Variants in PPP4R3A observed in about 807,000 individuals in gnomAD.
PPP4R3A encodes the protein serine/threonine-protein phosphatase 4 regulatory subunit 3A.
Under a neutral mutation model 91.7 loss-of-function variants are expected in PPP4R3A, and 15 were observed. The ratio of observed to expected loss-of-function variants is 0.16; its 90% confidence interval spans 0.11 to 0.25. PPP4R3A has a LOEUF of 0.25. PPP4R3A is among the 10% of genes least tolerant of loss of function. The pLI is 1.00. For missense variants in PPP4R3A, 623 were observed against 998.4 expected, an observed-to-expected ratio of 0.62 and a Z score of 5.07; for synonymous variants, 377 against 348.7, an observed-to-expected ratio of 1.08 and a Z score of -0.91.
At position 91,458,082 on chromosome 14, in the gene PPP4R3A, A is replaced by G. The variant is rs941262594; in HGVS notation, c.*677T>C. ...CAACTAAGCATACACTCAGGGGAGG[A>G]AAAAAAAAATCAAAAACAAAATAAA... On this transcript the variant is annotated 3_prime_UTR_variant, in exon 15 of 15. Coordinates refer to ENST00000554943, the MANE Select transcript of PPP4R3A (RefSeq NM_001366432.2). 3 of 151,288 alleles carry G rather than the reference A, an allele frequency of 2.0e-5. No individual in the cohort carries two copies. The highest frequency in any genetic ancestry group is 2.1e-4 in the South Asian group (1 of 4,778). The allele number at this position is 151,288 out of a possible 1,614,324, so 9.4% of individuals were successfully genotyped here.
intron 3 of PPP4R3A, 34 bp from the exon 4 acceptor site, chr14:91,482,227 A>G (rs371207683): frequency 2.4e-5 from 37 of 1,548,688 alleles, no homozygotes; most frequent in African/African-American, 4.1e-5. Context: ...GACAAAATAG[A>G]TAACAGGTGA....
chr14:91,473,415 A>C, intron 7 of PPP4R3A, 45 bp from the exon 8 acceptor site: 3 of 1,572,710 alleles, frequency 1.9e-6, no homozygotes, highest in Non-Finnish European at 2.6e-6. Context: ...ATTATGAGAG[A>C]ACGGAAAAAG....
rs781642936 is a variant in PPP4R3A, at chr14:91,461,423, G to C, written c.2349C>G (p.Ser783=). 1 of 1,613,486 alleles carries C rather than the reference G, an allele frequency of 6.2e-7. No homozygotes were observed. Among genetic ancestry groups the C allele is most frequent in the Non-Finnish European group, 8.5e-7 (1 of 1,179,610 alleles). The change falls in exon 14 of 15, where the codon TCC becomes TCG. Residue 783 remains serine, a synonymous_variant. Coordinates refer to ENST00000554943, the MANE Select transcript of PPP4R3A (RefSeq NM_001366432.2). ...GSPGSPGSPG[S]VPKNTSQTAA... is the part of the protein sequence containing the mutation. Reference sequence around the variant, plus strand: ...CCGTCTGAGATGTATTTTTAGGTACGGATCCAGGAGAGCCTGGAGATCCTG... The same window carrying C: ...CCGTCTGAGATGTATTTTTAGGTACCGATCCAGGAGAGCCTGGAGATCCTG...
chr14:91,480,969 A>T (rs1190674890), intron 4 of PPP4R3A, among the ~76,000 whole-genome samples: 1 of 152,050 alleles, frequency 6.6e-6, no homozygotes, highest in African/African-American at 2.4e-5. Flanking sequence ...CAGGAGTTCA[A>T]GGTTGCAATA....
intron 1 of PPP4R3A, among the ~76,000 whole-genome samples, chr14:91,501,871 A>ATTTTTTTTTTTT (rs755484959): frequency 2.0e-5 from 2 of 100,238 alleles, no homozygotes; most frequent in Admixed American, 1.2e-4. Context: ...AGCCCGGCTA[A>ATTTTTTTTTTTT]TTTTTTTTTT....
intron 1 of PPP4R3A, among the ~76,000 whole-genome samples, chr14:91,501,141 A>T (rs1324290221): frequency 1.3e-5 from 2 of 152,222 alleles, no homozygotes. Flanking sequence ...TGAAGAAACG[A>T]GATAGTATAG....
At chr14:91,463,881 T>C (rs941156828) in intron 11 of PPP4R3A, among the ~76,000 whole-genome samples, 6 of 152,146 alleles carry the variant, frequency 3.9e-5, no homozygotes, top group Non-Finnish European at 7.4e-5. Flanking sequence ...CAGTACCCAA[T>C]AGGTAGTTTT....
chr14:91,509,454 G>A (rs1891636006), intron 1 of PPP4R3A, 52 bp downstream of exon 1: 2 of 1,540,638 alleles, frequency 1.3e-6, no homozygotes, highest in South Asian at 1.2e-5. Flanking sequence ...CCAGGGAGGC[G>A]GCCCAGGGCC....
In PPP4R3A at chr14:91,485,616, T is replaced by C; in HGVS notation, c.297+16A>G. 1 of 1,571,978 alleles carries C rather than the reference T, an allele frequency of 6.4e-7. No homozygotes were observed. Among genetic ancestry groups the C allele is most frequent in the Non-Finnish European group, 8.7e-7 (1 of 1,154,044 alleles). The stretch of plus-strand genomic sequence containing the variant: ...ACTTAAAGAAAGCATGTTGATTTTT[T>C]TATTTAAAAAATTACCTGACATATT... On this transcript the variant is annotated intron_variant, in intron 3 of 14. Coordinates refer to ENST00000554943, the MANE Select transcript of PPP4R3A (RefSeq NM_001366432.2).
At chr14:91,475,633 G>C (rs1889150965) in intron 7 of PPP4R3A, 178 bp downstream of exon 7, 1 of 508,538 alleles carries the variant, frequency 2.0e-6, no homozygotes, top group Admixed American at 3.9e-5. Flanking sequence ...AACATAAATA[G>C]TTGCTGTAGG....
intron 4 of PPP4R3A, among the ~76,000 whole-genome samples, chr14:91,479,743 T>C (rs1355890493): frequency 1.3e-5 from 2 of 152,194 alleles, no homozygotes; most frequent in African/African-American, 4.8e-5. Flanking sequence ...GGTTTCGCCA[T>C]GTTGGCCAGG....
At chr14:91,487,845 T>A (rs561560856) in intron 2 of PPP4R3A, among the ~76,000 whole-genome samples, 21 of 152,308 alleles carry the variant, frequency 1.4e-4, no homozygotes, top group African/African-American at 4.6e-4. Context: ...GCCTCCCAAG[T>A]AGCTGGAACT....
At chr14:91,504,078 A>G (rs10150021) in intron 1 of PPP4R3A, among the ~76,000 whole-genome samples, 133,027 of 151,702 alleles carry the variant, frequency 0.88, 58,571 homozygotes, top group East Asian at 0.96. Flanking sequence ...CAAAAATTGG[A>G]CCAGGCATGG....
chr14:91,485,744 A>C lies in PPP4R3A; in HGVS notation c.199-14T>G, dbSNP rs754229770. 1 of 1,567,302 alleles carries C rather than the reference A, an allele frequency of 6.4e-7. No homozygotes were observed. The highest frequency in any genetic ancestry group is 8.7e-7 in the Non-Finnish European group (1 of 1,152,520). On this transcript the variant is annotated splice_polypyrimidine_tract_variant and intron_variant, in intron 2 of 14. Coordinates refer to ENST00000554943, the MANE Select transcript of PPP4R3A (RefSeq NM_001366432.2). Reference sequence around the variant, plus strand: ...AATCAGAGTGTCCTTTGGAGACATAAAAGGAGTCTGAATGATTAACATACA... The same window carrying C: ...AATCAGAGTGTCCTTTGGAGACATACAAGGAGTCTGAATGATTAACATACA...
intron 1 of PPP4R3A, among the ~76,000 whole-genome samples, chr14:91,504,179 A>AT (rs2093627894): frequency 1.3e-5 from 2 of 151,332 alleles, no homozygotes; most frequent in Non-Finnish European, 1.5e-5. Context: ...AGAAAAAAAA[A>AT]ATTTTTTTTT....
Position 91,487,249 on chromosome 14 carries a change from C to CAAA in PPP4R3A, c.199-1522_199-1520dup, listed in dbSNP as rs35970764. ...TGGGTGACAGAGTGAGAGTCCGTCT[C>CAAA]AAAAAAAAAAAAAAAAAAAAAAAAT... On this transcript the variant is annotated intron_variant, in intron 2 of 14. Coordinates refer to ENST00000554943, the MANE Select transcript of PPP4R3A (RefSeq NM_001366432.2). Among the ~76,000 whole-genome samples the CAAA allele has an allele frequency of 6.7e-4, 54 of 80,202 alleles. 1 individual carries two copies. Among genetic ancestry groups the CAAA allele is most frequent in the East Asian group, 3.1e-3 (9 of 2,890 alleles). 52.6% of individuals were successfully genotyped at this position (80,202 alleles called of 152,430 possible).
rs193299297 is a variant in PPP4R3A at position 91,461,465 on chromosome 14, C to T, written c.2307G>A (p.Pro769=). 20 of 1,614,038 alleles carry T rather than the reference C, an allele frequency of 1.2e-5. No individual in the cohort carries two copies. Among genetic ancestry groups the T allele is most frequent in the Admixed American group, 3.3e-5 (2 of 59,998 alleles). The change falls in exon 14 of 15, where the codon CCG becomes CCA. Residue 769 remains proline (P), a synonymous_variant. Transcript: ENST00000554943. ...QSSTTNLPGS[P]GSPGSPGSPG... is the part of the protein sequence containing the mutation. Reference sequence around the variant, plus strand: ...GAGATCCTGGGGATCCAGGTGATCCCGGAGAACCAGGCAGATTTGTTGTAG... The same window carrying T: ...GAGATCCTGGGGATCCAGGTGATCCTGGAGAACCAGGCAGATTTGTTGTAG...
At chr14:91,500,691 T>A (rs1890893397) in intron 1 of PPP4R3A, among the ~76,000 whole-genome samples, 1 of 152,150 alleles carries the variant, frequency 6.6e-6, no homozygotes, top group African/African-American at 2.4e-5. Flanking sequence ...CCAGTACACA[T>A]TTAGTCAACA....
At chr14:91,503,442 A>G (rs1891084036) in intron 1 of PPP4R3A, among the ~76,000 whole-genome samples, 1 of 152,224 alleles carries the variant, frequency 6.6e-6, no homozygotes, top group Non-Finnish European at 1.5e-5. Context: ...TTAACACCAC[A>G]CATGGCTAAT....
Sources: gnomAD v4.1 joint callset for allele counts (sites outside exome capture counted in the v4.1 genomes callset) on GRCh38, gnomAD v4.1.1 for gene constraint, MANE v1.5 for transcripts, NCBI Gene and HGNC (gene_info 2026-07-23, HGNC 2026-07-21) for gene names.